Variants in DOT1L observed in about 807,000 individuals in gnomAD.
The protein encoded by DOT1L is DOT1 like histone lysine methyltransferase.
A neutral mutation model predicts 153.3 loss-of-function variants in DOT1L; 33 were observed. The ratio of observed to expected loss-of-function variants is 0.22; its 90% CI spans 0.16 to 0.29. The LOEUF is 0.29. Ranked by LOEUF, DOT1L falls within the 10% of genes least tolerant of loss-of-function variation. The probability of loss-of-function intolerance (pLI) is 1.00; values close to 1 mark genes in which losing one functional copy is unlikely to be tolerated. For missense variants in DOT1L, 1,847 were observed against 2,119.9 expected (o/e 0.87, Z 2.53); for synonymous variants, 1,135 against 965.1 (o/e 1.18, Z -3.26).
chr19:2,194,492 G>A (rs376380107), intron 6 of DOT1L, 23 bp from the exon 7 acceptor site: 1 of 1,613,738 alleles, frequency 6.2e-7, no homozygotes, highest in African/African-American at 1.3e-5. Flanking sequence ...TTTGTAACGG[G>A]CGTTTGGTTT....
chr19:2,222,175 C>T lies in DOT1L; in HGVS notation c.3006C>T (p.Pro1002=), dbSNP rs763445435. 95 of 1,613,008 alleles carry T rather than the reference C, an allele frequency of 5.9e-5. No homozygotes were observed. Among genetic ancestry groups the T allele is most frequent in the East Asian group, 5.1e-4 (23 of 44,896 alleles). The part of the protein sequence containing the change: ...AQPRNSLPAS[P]AHQLSSSPRL... The stretch of plus-strand genomic sequence containing the variant: ...CCCGGAACTCGCTTCCTGCCTCTCC[C>T]GCCCACCAGCTCTCCTCCAGTCCCC... The change falls in exon 24 of 28, where the codon CCC becomes CCT. Residue 1002 remains proline (P), a synonymous_variant. Coordinates refer to ENST00000398665, the MANE Select transcript of DOT1L (RefSeq NM_032482.3). This position sits in a 1 kb window ranked among gnomAD's most constrained non-coding sequence, Gnocchi z 6.5.
chr19:2,210,623 C>T lies in DOT1L; in HGVS notation c.1119C>T (p.Asp373=), dbSNP rs759350176. 1.2e-6 allele frequency: 2 copies of T among 1,612,334 alleles called. No homozygotes were observed. The highest frequency in any genetic ancestry group is 1.7e-6 in the Non-Finnish European group (2 of 1,179,642). ...TGTTCTTCCCTTGTGTCCTCCAGGA[C>T]TCTGGTGCTGAGGAAGAGAAGGCGG... is the stretch of plus-strand genomic sequence containing the variant. ...KVAGPADAPM[D]SGAEEEKAGA... is the part of the protein sequence containing the mutation. The change falls in exon 14 of 28, where the codon GAC becomes GAT. Residue 373 remains aspartate (D), a splice_region_variant and synonymous_variant. Transcript: ENST00000398665.
rs541341844 is a variant in DOT1L, at chr19:2,182,144, T to C, written c.125+1388T>C. On this transcript the variant is annotated intron_variant, in intron 2 of 27. Transcript: ENST00000398665. Reference sequence around the variant, plus strand: ...TTGGAGGCTGAGGCAGGAGAATAGCTTGAACCCAGGGGGCGGAGGTTGCAG... The same window carrying C: ...TTGGAGGCTGAGGCAGGAGAATAGCCTGAACCCAGGGGGCGGAGGTTGCAG... 5.3e-5 allele frequency among the ~76,000 whole-genome samples: 8 copies of C among 152,138 alleles called. No homozygotes were observed. In the East Asian group the frequency reaches 1.5e-3, roughly 29 times the overall value.
In DOT1L at chr19:2,175,968, G is replaced by A. The variant is rs892421708; in HGVS notation, c.82-4745G>A. 3.3e-5 allele frequency among the ~76,000 whole-genome samples: 5 copies of A among 152,214 alleles called. No homozygotes were observed. The South Asian group carries it at 1.0e-3, about 32-fold the overall frequency. ...ATAGACCAGGAGTACGAACCCAACC[G>A]TGCTGCTCTAGACATGGGCCCTGGG... On this transcript the variant is annotated intron_variant, in intron 1 of 27. Coordinates refer to ENST00000398665, the MANE Select transcript of DOT1L (RefSeq NM_032482.3).
intron 15 of DOT1L, among the ~76,000 whole-genome samples, 157 bp from the exon 16 acceptor site, chr19:2,211,594 G>C (rs540758567): frequency 1.3e-5 from 2 of 152,306 alleles, no homozygotes; most frequent in East Asian, 3.9e-4. Flanking sequence ...CGAGCTTGGG[G>C]CGTGTGGCAT....
Position 2,220,413 on chromosome 19 carries a change from C to T in DOT1L, c.2806+191C>T. The T allele has an allele frequency of 1.4e-6, 1 of 691,658 alleles. No homozygotes were observed. The highest frequency in any genetic ancestry group is 1.5e-5 in the South Asian group (1 of 66,760). The allele number at this position is 691,658 out of a possible 1,614,324, so 42.8% of individuals were successfully genotyped here. On this transcript the variant is annotated intron_variant, in intron 23 of 27. Coordinates refer to ENST00000398665, the MANE Select transcript of DOT1L (RefSeq NM_032482.3). This position sits in a 1 kb window ranked among gnomAD's most constrained non-coding sequence, Gnocchi z 4.5. ...GAGCTGGGATGCGGATCGGGCTCAG[C>T]TGCAGCCATCTCGGCCTCATACCTG...
At chr19:2,175,596 A>T (rs2021889068) in intron 1 of DOT1L, among the ~76,000 whole-genome samples, 1 of 152,214 alleles carries the variant, frequency 6.6e-6, no homozygotes, top group Non-Finnish European at 1.5e-5. Context: ...TGGGAGGCTG[A>T]GGTGGGTGGA....
intron 3 of DOT1L, 92 bp from the exon 4 acceptor site, chr19:2,189,640 C>A: frequency 6.9e-7 from 1 of 1,452,052 alleles, no homozygotes; most frequent in Non-Finnish European, 9.5e-7. Flanking sequence ...AGGGACCACA[C>A]CTTGGAGCCT....
chr19:2,174,496 G>C (rs889576311), intron 1 of DOT1L, among the ~76,000 whole-genome samples: 1 of 152,116 alleles, frequency 6.6e-6, no homozygotes, highest in East Asian at 1.9e-4. Flanking sequence ...AAACCAGCCT[G>C]ACCAACGTGG....
intron 2 of DOT1L, among the ~76,000 whole-genome samples, chr19:2,182,909 C>T (rs1445938253): frequency 2.0e-5 from 3 of 152,104 alleles, no homozygotes; most frequent in African/African-American, 4.8e-5. Flanking sequence ...GGAGCTTAAG[C>T]GTTGTAGGGA....
chr19:2,229,479 GC>G, intron 27 of DOT1L: 4 of 985,500 alleles, frequency 4.1e-6, no homozygotes, highest in Non-Finnish European at 4.8e-6. Flanking sequence ...GGCTGGACAA[GC>G]TATGCTGGGT....
chr19:2,209,501 C>G (rs1198582400), intron 12 of DOT1L, among the ~76,000 whole-genome samples: 1 of 152,248 alleles, frequency 6.6e-6, no homozygotes, highest in African/African-American at 2.4e-5. Flanking sequence ...GCGCTTGTCC[C>G]ACCCTCGGTG....
In DOT1L at chr19:2,181,746, CCCAGCCCCCGCCCAGCA is replaced by C. The variant is rs1347638789; in HGVS notation, c.125+999_125+1015del. Among the ~76,000 whole-genome samples, 466 of 152,048 alleles carry C rather than the reference CCCAGCCCCCGCCCAGCA, an allele frequency of 3.1e-3. 4 individuals are homozygous for C. Among genetic ancestry groups the C allele is most frequent in the African/African-American group, 0.011 (441 of 41,498 alleles). On this transcript the variant is annotated intron_variant, in intron 2 of 27. Coordinates refer to ENST00000398665, the MANE Select transcript of DOT1L (RefSeq NM_032482.3). ...TCTGGATCAGGCAGCTGGACCCCAG[CCCAGCCCCCGCCCAGCA>C]CCAGCCCCAGCCCCAGCCCCAGCCC...
chr19:2,211,851 T>C lies in DOT1L; in HGVS notation c.1557+9T>C, dbSNP rs1417569440. 3 of 1,554,974 alleles carry C rather than the reference T, an allele frequency of 1.9e-6. No individual in the cohort carries two copies. Among genetic ancestry groups the C allele is most frequent in the Non-Finnish European group, 2.6e-6 (3 of 1,149,782 alleles). On this transcript the variant is annotated intron_variant, in intron 16 of 27. Transcript: ENST00000398665. ...TGCTGGGCCAGGAGAAGGTGGGTCC[T>C]GGCCCCCTTGGCATTCCGCCTTCCC... is the stretch of plus-strand genomic sequence containing the variant.
At position 2,207,568 on chromosome 19, in the gene DOT1L, C is replaced by T; in HGVS notation, c.857-6C>T. 6.2e-7 allele frequency: 1 copy of T among 1,607,858 alleles called. No homozygotes were observed. The highest frequency in any genetic ancestry group is 8.5e-7 in the Non-Finnish European group (1 of 1,178,928). Reference sequence around the variant, plus strand: ...CAGGCCCCGGCCTCACCTGTGGCTCCTGCAGACATCGGCACCATCATGCGC... The same window carrying T: ...CAGGCCCCGGCCTCACCTGTGGCTCTTGCAGACATCGGCACCATCATGCGC... On this transcript the variant is annotated splice_region_variant and splice_polypyrimidine_tract_variant and intron_variant, in intron 10 of 27. Transcript: ENST00000398665. The surrounding 1 kb of genome is among the most constrained non-coding windows in gnomAD (Gnocchi z 4.5).
chr19:2,185,571 C>G (rs1210941280), intron 2 of DOT1L, among the ~76,000 whole-genome samples: 2 of 152,204 alleles, frequency 1.3e-5, no homozygotes, highest in South Asian at 4.2e-4. Flanking sequence ...GAGTTTGAGA[C>G]CAGCCTTGCC....
intron 27 of DOT1L, chr19:2,227,970 G>C: frequency 7.9e-7 from 1 of 1,263,312 alleles, no homozygotes; most frequent in Non-Finnish European, 1.0e-6. Context: ...GTCCCCCGCG[G>C]GGCCGCCCGT....
In DOT1L at chr19:2,217,199, G is replaced by A. The variant is rs920592133; in HGVS notation, c.2544+109G>A. Reference sequence around the variant, plus strand: ...CTAGTTGACCTTGGGGCACGGTGAGGTACTGGGGCTGACCTGGAGTAGGAT... The same window carrying A: ...CTAGTTGACCTTGGGGCACGGTGAGATACTGGGGCTGACCTGGAGTAGGAT... On this transcript the variant is annotated intron_variant, in intron 21 of 27. Transcript: ENST00000398665. This position sits in a 1 kb window ranked among gnomAD's most constrained non-coding sequence, Gnocchi z 7.3. The A allele has an allele frequency of 1.1e-5, 16 of 1,403,496 alleles. No homozygotes were observed. Among genetic ancestry groups the A allele is most frequent in the African/African-American group, 1.4e-5 (1 of 69,260 alleles). 86.9% of individuals were successfully genotyped at this position (1,403,496 alleles called of 1,614,324 possible). A position where few individuals can be genotyped will look rare whatever the true frequency, so the allele number is the denominator to read the frequency against.
In DOT1L at chr19:2,226,682, G is replaced by C; in HGVS notation, c.4161G>C (p.Lys1387Asn). 2 of 1,573,536 alleles carry C rather than the reference G, an allele frequency of 1.3e-6. No individual in the cohort carries two copies. The highest frequency in any genetic ancestry group is 1.7e-6 in the Non-Finnish European group (2 of 1,164,248). Residue 1387 changes from lysine to asparagine, a missense_variant, in exon 27 of 28, where the codon AAG becomes AAC. Transcript: ENST00000398665. ...TGAAGGGCGAGGGCAGCCGCGGCAA[G>C]GAGGCAGGGGAGGGCGGCCTACCGC... ...AGLKGEGSRGKEAGEGGLPLC... is the reference protein window; with the variant it reads ...AGLKGEGSRGNEAGEGGLPLC...
Sources: allele counts gnomAD v4.1 joint callset (sites outside exome capture counted in the v4.1 genomes callset), GRCh38; gene constraint gnomAD v4.1.1; non-coding constraint Gnocchi (gnomAD v3.1); transcripts MANE v1.5; gene names NCBI Gene and HGNC (gene_info 2026-07-23, HGNC 2026-07-21).